Variants in VPS45 observed in about 807,000 individuals in gnomAD.
VPS45 encodes vacuolar protein sorting 45 homolog.
Under a neutral mutation model 75.9 loss-of-function variants are expected in VPS45, and 35 were observed. The ratio of observed to expected loss-of-function variants is 0.46; its 90% CI spans 0.35 to 0.61. VPS45 has a LOEUF of 0.61. VPS45 is among the 20% of genes least tolerant of loss of function. The pLI is 0.00. For synonymous variants in VPS45, 220 were observed against 238.2 expected, an observed-to-expected ratio of 0.92 and a Z score of 0.70; for missense variants, 559 against 685.9, an observed-to-expected ratio of 0.81 and a Z score of 2.07.
In VPS45 at chr1:150,081,494, T is replaced by A. The variant is rs781846924; in HGVS notation, c.822+18T>A. The A allele has an allele frequency of 6.3e-7, 1 of 1,592,706 alleles. No individual in the cohort carries two copies. Among genetic ancestry groups the A allele is most frequent in the Admixed American group, 1.9e-5 (1 of 52,352 alleles). On this transcript the variant is annotated intron_variant, in intron 8 of 14. Coordinates refer to ENST00000644510, the MANE Select transcript of VPS45 (RefSeq NM_007259.5). The stretch of plus-strand genomic sequence containing the variant: ...ATGCTAATGTAGGTGGTTTAAATTT[T>A]TTTAAATTGTCTTTAGTTGTTTTTA...
Position 150,067,792 on chromosome 1 carries a change from A to T in VPS45, c.-66A>T, listed in dbSNP as rs1250329565. On this transcript the variant is annotated 5_prime_UTR_variant, in exon 1 of 15. Coordinates refer to ENST00000644510, the MANE Select transcript of VPS45 (RefSeq NM_007259.5). ...GAAGCAGCTGAGACCCGGCCAACAG[A>T]CTGGGGGTTAATTTAGCCAGAAAAG... is the stretch of plus-strand genomic sequence containing the variant. 13 of 1,535,250 alleles carry T rather than the reference A, an allele frequency of 8.5e-6. No homozygotes were observed. The highest frequency in any genetic ancestry group is 1.2e-5 in the Non-Finnish European group (13 of 1,112,444).
At chr1:150,130,384 T>C (rs1367656984) in intron 14 of VPS45, among the ~76,000 whole-genome samples, 1 of 151,676 alleles carries the variant, frequency 6.6e-6, no homozygotes, top group Non-Finnish European at 1.5e-5. Context: ...AGAGAGGGTT[T>C]CACCATGTTA....
intron 3 of VPS45, among the ~76,000 whole-genome samples, chr1:150,072,921 G>T (rs782042372): frequency 1.3e-5 from 2 of 151,904 alleles, no homozygotes; most frequent in Non-Finnish European, 2.9e-5. Context: ...ACTTGAGTTT[G>T]CTGGAAAAGC....
intron 10 of VPS45, among the ~76,000 whole-genome samples, chr1:150,090,872 T>C (rs1476837256): frequency 6.6e-6 from 1 of 152,248 alleles, no homozygotes. Flanking sequence ...GCACTTGCCC[T>C]TTCCCCATAT....
At chr1:150,134,514 T>A (rs1658979480) in intron 14 of VPS45, among the ~76,000 whole-genome samples, 1 of 152,242 alleles carries the variant, frequency 6.6e-6, no homozygotes, top group Non-Finnish European at 1.5e-5. Flanking sequence ...ATTACATCCC[T>A]TATCTCCCTA....
chr1:150,086,321 A>C (rs1559911010), intron 10 of VPS45, among the ~76,000 whole-genome samples: 1 of 152,130 alleles, frequency 6.6e-6, no homozygotes, highest in African/African-American at 2.4e-5. Flanking sequence ...ATACATGTAA[A>C]ACACTTATGG....
intron 10 of VPS45, among the ~76,000 whole-genome samples, chr1:150,088,413 C>G (rs1283794174): frequency 7.5e-6 from 1 of 133,108 alleles, no homozygotes; most frequent in Non-Finnish European, 1.6e-5. Flanking sequence ...GGATTTTGTT[C>G]TATTTCATGG....
At chr1:150,110,405 A>AC (rs1428329058) in intron 13 of VPS45, 91 bp from the exon 14 acceptor site, 1 of 1,331,268 alleles carries the variant, frequency 7.5e-7, no homozygotes, top group African/African-American at 1.5e-5. Flanking sequence ...CCACCAAAAA[A>AC]AAAGATTTAG....
intron 7 of VPS45, 107 bp from the exon 8 acceptor site, chr1:150,081,235 T>G: frequency 9.1e-7 from 1 of 1,095,472 alleles, no homozygotes; most frequent in Non-Finnish European, 1.3e-6. Flanking sequence ...AATCTTCATG[T>G]AAAGAAGACT....
chr1:150,099,736 G>A (rs1196870795), intron 13 of VPS45, among the ~76,000 whole-genome samples: 9 of 151,662 alleles, frequency 5.9e-5, no homozygotes, highest in African/African-American at 2.2e-4. Context: ...GGGAGGCTGA[G>A]GCAGGAGAAT....
chr1:150,101,474 G>A (rs587712151), intron 13 of VPS45, among the ~76,000 whole-genome samples: 12 of 152,132 alleles, frequency 7.9e-5, no homozygotes, highest in Non-Finnish European at 1.3e-4. Context: ...GGTGGTTCAC[G>A]CCTGTAATCC....
At chr1:150,094,600 A>G in intron 13 of VPS45, among the ~76,000 whole-genome samples, 1 of 152,188 alleles carries the variant, frequency 6.6e-6, no homozygotes. Flanking sequence ...ATTTGGTGTT[A>G]AATTCAGAGA....
At chr1:150,109,671 T>A (rs1657530843) in intron 13 of VPS45, 1 of 152,180 alleles carries the variant, frequency 6.6e-6, no homozygotes, top group Admixed American at 6.5e-5. Context: ...GTTTTGAAAA[T>A]AATTTGATCT....
chr1:150,143,229 T>TTATG (rs1297280969), intron 14 of VPS45, among the ~76,000 whole-genome samples: 46 of 152,258 alleles, frequency 3.0e-4, no homozygotes, highest in Admixed American at 1.2e-3. Flanking sequence ...GATTATGTAT[T>TTATG]TATGTATGTA....
intron 14 of VPS45, among the ~76,000 whole-genome samples, chr1:150,142,354 T>G (rs1437611748): frequency 6.6e-6 from 1 of 152,234 alleles, no homozygotes; most frequent in Non-Finnish European, 1.5e-5. Context: ...CAGTGCTACC[T>G]CATTTCCTAA....
intron 14 of VPS45, among the ~76,000 whole-genome samples, chr1:150,117,853 T>G (rs1273023108): frequency 2.0e-5 from 3 of 151,952 alleles, no homozygotes; most frequent in Admixed American, 2.0e-4. Flanking sequence ...AGCAAGACCC[T>G]GTCTCAAAAT....
intron 7 of VPS45, among the ~76,000 whole-genome samples, chr1:150,080,612 T>C (rs1571830225): frequency 6.6e-6 from 1 of 152,344 alleles, no homozygotes; most frequent in South Asian, 2.1e-4. Flanking sequence ...AGCATTTAGA[T>C]TCTAGATGCA....
At chr1:150,137,631 T>A (rs1056917334) in intron 14 of VPS45, among the ~76,000 whole-genome samples, 1 of 152,148 alleles carries the variant, frequency 6.6e-6, no homozygotes, top group Non-Finnish European at 1.5e-5. Flanking sequence ...AATATCCTGC[T>A]ATGCTGGGCA....
intron 3 of VPS45, among the ~76,000 whole-genome samples, chr1:150,073,560 T>G (rs1655193801): frequency 6.6e-6 from 1 of 152,172 alleles, no homozygotes; most frequent in South Asian, 2.1e-4. Context: ...TGTTTTTGTC[T>G]GTTTGTTTTT....
Sources: allele counts gnomAD v4.1 joint callset (sites outside exome capture counted in the v4.1 genomes callset), GRCh38; gene constraint gnomAD v4.1.1; transcripts MANE v1.5; gene names NCBI Gene and HGNC (gene_info 2026-07-23, HGNC 2026-07-21).